The following SRRM4 variants were observed in gnomAD, a reference collection of about 807,000 sequenced individuals.
The protein encoded by SRRM4 is serine/arginine repetitive matrix 4.
SRRM4 carries 33 observed loss-of-function variants against 68.9 expected under a neutral mutation model. The observed-to-expected ratio is 0.48, with a 90% confidence interval of 0.36 to 0.64. The LOEUF (loss-of-function observed/expected upper bound fraction) is 0.64, where lower values mean the gene tolerates loss of function less well. Among genes scored for constraint, SRRM4 ranks in the 30% least tolerant of loss-of-function variants. SRRM4 has a pLI of 0.00. For missense variants in SRRM4, 817 were observed against 827.1 expected (o/e 0.99, Z 0.15); for synonymous variants, 318 against 318.8 (o/e 1.00, Z 0.03).
intron 1 of SRRM4, among the ~76,000 whole-genome samples, chr12:119,008,361 CT>C (rs1343607097): frequency 2.2e-5 from 3 of 136,522 alleles, no homozygotes; most frequent in African/African-American, 9.1e-5. Context: ...GAGATCCTGT[CT>C]CAAAAAAAAA....
intron 1 of SRRM4, among the ~76,000 whole-genome samples, chr12:119,079,258 G>T (rs988315085): frequency 2.6e-5 from 4 of 152,202 alleles, no homozygotes; most frequent in African/African-American, 9.6e-5. Context: ...CAGAAATGAT[G>T]GGCTGAGACT....
intron 5 of SRRM4, among the ~76,000 whole-genome samples, chr12:119,120,604 C>G (rs1318913557): frequency 6.6e-6 from 1 of 152,200 alleles, no homozygotes; most frequent in Non-Finnish European, 1.5e-5. Context: ...CCACCAAAAC[C>G]TTCCCAGATC....
rs1565902734 is a variant in SRRM4, at chr12:119,075,464, A to ATGATGG, written c.132-26767_132-26766insGTGATG. On this transcript the variant is annotated intron_variant, in intron 1 of 12. Transcript: ENST00000267260. ...GGTGATGATGATGGTGATGATGGTG[A>ATGATGG]TGATGATGGTGCTGATGGTGATGAT... 3.7e-5 allele frequency among the ~76,000 whole-genome samples: 3 copies of ATGATGG among 81,010 alleles called. No individual in the cohort carries two copies. In the South Asian group the frequency reaches 1.1e-3, roughly 29 times the overall value. The allele number at this position is 81,010 out of a possible 152,430, so 53.1% of individuals were successfully genotyped here. A position where few individuals can be genotyped will look rare whatever the true frequency, so the allele number is the denominator to read the frequency against.
chr12:119,051,552 A>G (rs1047780733), intron 1 of SRRM4, among the ~76,000 whole-genome samples: 1 of 152,162 alleles, frequency 6.6e-6, no homozygotes, highest in Admixed American at 6.5e-5. Context: ...GTACCCTAAG[A>G]TTACTCCATG....
chr12:119,104,858 T>C (rs1482755478), intron 2 of SRRM4, among the ~76,000 whole-genome samples: 3 of 151,988 alleles, frequency 2.0e-5, no homozygotes, highest in South Asian at 2.1e-4. Context: ...CTAGGGTACA[T>C]GTGCACATCA....
chr12:119,063,203 G>T (rs1412959245), intron 1 of SRRM4, among the ~76,000 whole-genome samples: 1 of 152,170 alleles, frequency 6.6e-6, no homozygotes, highest in Non-Finnish European at 1.5e-5. Context: ...TAAATAATTA[G>T]TAAGTTCCAG....
At chr12:119,147,833 G>T (rs1954413742) in intron 9 of SRRM4, among the ~76,000 whole-genome samples, 1 of 152,162 alleles carries the variant, frequency 6.6e-6, no homozygotes, top group Admixed American at 6.6e-5. Flanking sequence ...TCTCACTCAA[G>T]AAATCACAAC....
intron 1 of SRRM4, among the ~76,000 whole-genome samples, chr12:119,086,626 G>A (rs990505959): frequency 5.3e-4 from 80 of 152,200 alleles, no homozygotes; most frequent in African/African-American, 1.8e-3. Context: ...TATGCAGAAG[G>A]ATGCAGCAGG....
At chr12:119,142,671 C>T (rs919673419) in intron 8 of SRRM4, among the ~76,000 whole-genome samples, 1 of 152,192 alleles carries the variant, frequency 6.6e-6, no homozygotes, top group African/African-American at 2.4e-5. Context: ...GTTCTTCCAG[C>T]CTAGCTCCCT....
intron 1 of SRRM4, among the ~76,000 whole-genome samples, chr12:119,100,071 C>G (rs965668777): frequency 6.6e-6 from 1 of 152,052 alleles, no homozygotes; most frequent in African/African-American, 2.4e-5. Flanking sequence ...TAAGATTAGT[C>G]CTGAATCCTT....
chr12:119,117,230 G>A lies in SRRM4; in HGVS notation c.437+222G>A, dbSNP rs187247249. ...CAGAGGAGGACTTGATTATAAAGAA[G>A]CAGGAGTGACTCAGGGACCAGCCAG... On this transcript the variant is annotated intron_variant, in intron 4 of 12. Transcript: ENST00000267260. Among the ~76,000 whole-genome samples, 255 of 152,290 alleles carry A rather than the reference G, an allele frequency of 1.7e-3. 1 individual carries two copies. Among genetic ancestry groups the A allele is most frequent in the African/African-American group, 6.1e-3 (252 of 41,548 alleles).
At chr12:119,103,247 T>C (rs1954087500) in intron 2 of SRRM4, among the ~76,000 whole-genome samples, 1 of 152,176 alleles carries the variant, frequency 6.6e-6, no homozygotes, top group Non-Finnish European at 1.5e-5. Flanking sequence ...TTAATTTTTA[T>C]TTCATTATTA....
intron 9 of SRRM4, among the ~76,000 whole-genome samples, chr12:119,150,242 C>G (rs138060008): frequency 6.6e-6 from 1 of 152,118 alleles, no homozygotes; most frequent in Non-Finnish European, 1.5e-5. Context: ...GAGGCCAAGG[C>G]GGGTGGATCA....
chr12:119,125,585 C>G, intron 7 of SRRM4, 106 bp downstream of exon 7: 1 of 977,220 alleles, frequency 1.0e-6, no homozygotes, highest in East Asian at 2.8e-5. Flanking sequence ...GGGTTTGGCC[C>G]CCTTCCTCAG....
intron 1 of SRRM4, among the ~76,000 whole-genome samples, chr12:119,038,598 G>T (rs1953645217): frequency 6.6e-6 from 1 of 152,214 alleles, no homozygotes; most frequent in Non-Finnish European, 1.5e-5. Flanking sequence ...TTGACTTGCA[G>T]ATAGTTGTTC....
intron 1 of SRRM4, among the ~76,000 whole-genome samples, chr12:119,049,455 G>T (rs1218913281): frequency 6.6e-6 from 1 of 152,168 alleles, no homozygotes; most frequent in Non-Finnish European, 1.5e-5. Context: ...AGCAGGACTT[G>T]GCTTTATAAT....
At chr12:119,055,973 T>C (rs761239955) in intron 1 of SRRM4, among the ~76,000 whole-genome samples, 9 of 152,226 alleles carry the variant, frequency 5.9e-5, no homozygotes, top group Non-Finnish European at 8.8e-5. Flanking sequence ...TCTGGGGCCA[T>C]GTAGGGACGT....
chr12:119,132,382 G>A (rs1216918447), intron 8 of SRRM4: 1 of 152,164 alleles, frequency 6.6e-6, no homozygotes, highest in African/African-American at 2.4e-5. Context: ...TTTGAAATAT[G>A]AGCATTAAGA....
chr12:119,134,213 G>A (rs1035311442), intron 8 of SRRM4, among the ~76,000 whole-genome samples: 1 of 152,048 alleles, frequency 6.6e-6, no homozygotes, highest in Admixed American at 6.6e-5. Flanking sequence ...AAATTTGGGG[G>A]TTGGTTCTTA....
Sources: gnomAD v4.1 joint callset for allele counts (sites outside exome capture counted in the v4.1 genomes callset) on GRCh38, gnomAD v4.1.1 for gene constraint, MANE v1.5 for transcripts, NCBI Gene and HGNC (gene_info 2026-07-23, HGNC 2026-07-21) for gene names.